FBXW4: variants seen among roughly 807,000 people sequenced by gnomAD.
The protein encoded by FBXW4 is F-box and WD repeat domain containing 4.
A neutral mutation model predicts 61.8 loss-of-function variants in FBXW4; 40 were observed. That is an observed-to-expected ratio of 0.65 (90% CI 0.50 to 0.84). The LOEUF (loss-of-function observed/expected upper bound fraction) is 0.84, where lower values mean the gene tolerates loss of function less well. FBXW4 is among the 40% of genes least tolerant of loss of function. The pLI is 0.00. For missense variants in FBXW4, 672 were observed against 753.8 expected (o/e 0.89, Z 1.27); for synonymous variants, 311 against 313.8 (o/e 0.99, Z 0.10).
At chr10:101,675,937 T>C (rs776041684) in intron 2 of FBXW4, among the ~76,000 whole-genome samples, 6 of 152,060 alleles carry the variant, frequency 3.9e-5, no homozygotes, top group East Asian at 1.9e-4. Flanking sequence ...AGTAACTCCA[T>C]AGAGTAGAAG....
intron 5 of FBXW4, among the ~76,000 whole-genome samples, chr10:101,643,788 GAA>G (rs2064073540): frequency 6.6e-6 from 1 of 152,224 alleles, no homozygotes; most frequent in Admixed American, 6.5e-5. Context: ...GGAAGGAGGA[GAA>G]ACACTTCTAT....
chr10:101,618,855 G>A (rs926870655), intron 6 of FBXW4, among the ~76,000 whole-genome samples: 5 of 152,000 alleles, frequency 3.3e-5, no homozygotes, highest in Non-Finnish European at 7.4e-5. Context: ...TGTGCTCAGG[G>A]CACCAGTGCT....
chr10:101,631,488 G>A (rs2063955844), intron 5 of FBXW4, among the ~76,000 whole-genome samples: 1 of 152,038 alleles, frequency 6.6e-6, no homozygotes, highest in African/African-American at 2.4e-5. Context: ...GGAAAGAGTG[G>A]AAGAAAACTA....
chr10:101,694,554 C>G lies in FBXW4; in HGVS notation c.552G>C (p.Trp184Cys). 1 of 1,489,128 alleles carries G rather than the reference C, an allele frequency of 6.7e-7. No individual in the cohort carries two copies. The allele number at this position is 1,489,128 out of a possible 1,614,324, so 92.2% of individuals were successfully genotyped here. ...GCAGCAGCAGCTCCTCCGGCAGGCG[C>G]CAGAGCGCAGGCCCCGCGGCCGGGC... is the stretch of plus-strand genomic sequence containing the variant. ...AARPAAGPAL[W>C]RLPEELLLLI... The change falls in exon 1 of 9, where the codon TGG becomes TGC. Residue 184 changes from tryptophan (W) to cysteine (C), a missense_variant. Around this residue, in one of 5 missense-constraint regions of FBXW4, gnomAD observed 311 missense variants for 301.1 expected, o/e 1.03. Coordinates refer to ENST00000331272, the MANE Select transcript of FBXW4 (RefSeq NM_022039.4). The surrounding 1 kb of genome is among the most constrained non-coding windows in gnomAD (Gnocchi z 6.0).
intron 5 of FBXW4, among the ~76,000 whole-genome samples, chr10:101,660,831 C>G (rs1255648593): frequency 6.6e-6 from 1 of 152,180 alleles, no homozygotes; most frequent in Admixed American, 6.5e-5. Context: ...GCTCCCAAGG[C>G]CCTGTCTCAA....
chr10:101,671,903 A>G, intron 4 of FBXW4, among the ~76,000 whole-genome samples: 1 of 152,236 alleles, frequency 6.6e-6, no homozygotes, highest in Non-Finnish European at 1.5e-5. Flanking sequence ...AGAAAACAGT[A>G]AAGGGAGGAG....
chr10:101,651,980 A>C (rs1193973845), intron 5 of FBXW4, among the ~76,000 whole-genome samples: 1 of 151,962 alleles, frequency 6.6e-6, no homozygotes, highest in Non-Finnish European at 1.5e-5. Context: ...CACCTAATCA[A>C]AGATTCACCG....
At chr10:101,659,744 A>G (rs1413918603) in intron 5 of FBXW4, among the ~76,000 whole-genome samples, 2 of 152,232 alleles carry the variant, frequency 1.3e-5, no homozygotes, top group Non-Finnish European at 2.9e-5. Context: ...AAATTCAATC[A>G]GTAAGCTATT....
intron 1 of FBXW4, among the ~76,000 whole-genome samples, chr10:101,689,352 G>C (rs12246015): frequency 0.025 from 3,814 of 152,250 alleles, 163 homozygotes; most frequent in African/African-American, 0.084. Flanking sequence ...CTTAGAGAAG[G>C]CTTCTTCCAT....
At position 101,694,893 on chromosome 10, in the gene FBXW4, C is replaced by T; in HGVS notation, c.213G>A (p.Pro71=). 2 of 1,246,958 alleles carry T rather than the reference C, an allele frequency of 1.6e-6. No homozygotes were observed. The highest frequency in any genetic ancestry group is 2.0e-6 in the Non-Finnish European group (2 of 997,160). The allele number at this position is 1,246,958 out of a possible 1,614,324, so 77.2% of individuals were successfully genotyped here. ...ATGCCCTCGCTCCCGCGTCAGCCCC[C>T]GGCCCGGCTGCCTCCTTCGCCGTCT... ...GPQTAKEAAG[P]GADAGARACP... is the part of the protein sequence containing the mutation. The change falls in exon 1 of 9, where the codon CCG becomes CCA. Residue 71 remains proline, a synonymous_variant. Transcript: ENST00000331272. The surrounding 1 kb of genome is among the most constrained non-coding windows in gnomAD (Gnocchi z 6.0).
intron 1 of FBXW4, among the ~76,000 whole-genome samples, chr10:101,693,145 G>C (rs2064629772): frequency 6.6e-6 from 1 of 152,196 alleles, no homozygotes; most frequent in African/African-American, 2.4e-5. Context: ...GACCACTAAA[G>C]TGGCAAAGAT....
intron 6 of FBXW4, among the ~76,000 whole-genome samples, chr10:101,617,608 CAT>C (rs1451816632): frequency 1.3e-5 from 2 of 152,242 alleles, no homozygotes; most frequent in Non-Finnish European, 2.9e-5. Context: ...CACCCACGCA[CAT>C]GTGTTCAGAC....
Position 101,673,572 on chromosome 10 carries a change from C to A in FBXW4, c.923G>T (p.Arg308Leu), listed in dbSNP as rs771654851. 9.3e-6 allele frequency: 15 copies of A among 1,613,804 alleles called. No homozygotes were observed. The highest frequency in any genetic ancestry group is 1.1e-5 in the Non-Finnish European group (13 of 1,179,880). ...CCCAGCAAAGACTCCCAGAGGCCGA[C>A]GATTCAAGCTGGCACCATCTGGACG... ...QFRPDGASLN[R>L]RPLGVFAGHD... Residue 308 changes from arginine to leucine, a missense_variant, in exon 3 of 9, where the codon CGT becomes CTT. Arg to Leu is a moderately radical substitution (Grantham distance 102, BLOSUM62 -2). This residue lies in a region of FBXW4 where 312 missense variants were observed against 370.1 expected (regional missense o/e 0.84). Transcript: ENST00000331272.
intron 5 of FBXW4, among the ~76,000 whole-genome samples, chr10:101,656,697 C>T (rs552049523): frequency 5.3e-5 from 8 of 152,078 alleles, no homozygotes; most frequent in South Asian, 2.1e-4. Context: ...TGGGAAGGAG[C>T]GGAGGAAGAG....
chr10:101,646,320 C>G (rs547588144), intron 5 of FBXW4, among the ~76,000 whole-genome samples: 1 of 152,210 alleles, frequency 6.6e-6, no homozygotes, highest in Non-Finnish European at 1.5e-5. Context: ...CTTAAAGGGG[C>G]AGACTGGAAT....
At chr10:101,627,252 CT>C (rs1019681049) in intron 5 of FBXW4, among the ~76,000 whole-genome samples, 26 of 152,244 alleles carry the variant, frequency 1.7e-4, no homozygotes, top group African/African-American at 5.8e-4. Context: ...TTTCCAAAAG[CT>C]GCCCTTTTCT....
At chr10:101,693,549 T>C (rs11591384) in intron 1 of FBXW4, among the ~76,000 whole-genome samples, 2 of 152,128 alleles carry the variant, frequency 1.3e-5, no homozygotes, top group Non-Finnish European at 2.9e-5. Flanking sequence ...GATGGTATTA[T>C]GGCTTTTTAT....
At chr10:101,643,749 G>C (rs1234238395) in intron 5 of FBXW4, among the ~76,000 whole-genome samples, 1 of 152,096 alleles carries the variant, frequency 6.6e-6, no homozygotes, top group South Asian at 2.1e-4. Flanking sequence ...TCCCTCCCAC[G>C]GTAAGTGCTT....
intron 6 of FBXW4, among the ~76,000 whole-genome samples, chr10:101,617,791 G>A (rs1235888579): frequency 1.3e-5 from 2 of 152,108 alleles, no homozygotes; most frequent in African/African-American, 4.8e-5. Context: ...CAGGCAGAGA[G>A]CCAATTTCAA....
Sources: allele counts gnomAD v4.1 joint callset (sites outside exome capture counted in the v4.1 genomes callset), GRCh38; gene constraint gnomAD v4.1.1; regional missense constraint gnomAD v4.1.1; non-coding constraint Gnocchi (gnomAD v3.1); transcripts MANE v1.5; gene names NCBI Gene and HGNC (gene_info 2026-07-23, HGNC 2026-07-21).